The following SLC1A6 variants were observed in gnomAD, a reference collection of about 807,000 sequenced individuals.
SLC1A6 encodes the protein excitatory amino acid transporter 4.
Under a neutral mutation model 42.1 loss-of-function variants are expected in SLC1A6, and 15 were observed. The observed-to-expected ratio is 0.36, with a 90% CI of 0.24 to 0.55. The LOEUF (loss-of-function observed/expected upper bound fraction) is 0.55, where lower values mean the gene tolerates loss of function less well. SLC1A6 is among the 20% of genes least tolerant of loss of function. The probability of loss-of-function intolerance (pLI) is 0.88; values close to 1 mark genes in which losing one functional copy is unlikely to be tolerated. For synonymous variants in SLC1A6, 317 were observed against 319.7 expected, an observed-to-expected ratio of 0.99 and a Z score of 0.09; for missense variants, 542 against 772.5, an observed-to-expected ratio of 0.70 and a Z score of 3.54.
At position 14,956,469 on chromosome 19, in the gene SLC1A6, GC is replaced by G; in HGVS notation, c.1169+6del. The G allele has an allele frequency of 1.9e-6, 3 of 1,549,916 alleles. No homozygotes were observed. The highest frequency in any genetic ancestry group is 2.6e-6 in the Non-Finnish European group (3 of 1,140,644). ...GAATGGTGCTGGGGTGGGGAGCAAG[GC>G]CATACCTGGAAGACGTGCCCATAGC... On this transcript the variant is annotated splice_donor_region_variant and intron_variant, in intron 7 of 9. Transcript: ENST00000594383.
At chr19:14,957,541 C>G (rs1419905780) in intron 6 of SLC1A6, among the ~76,000 whole-genome samples, 3 of 152,232 alleles carry the variant, frequency 2.0e-5, no homozygotes, top group Admixed American at 2.0e-4. Context: ...AACCAGAAGA[C>G]AGCCCTCACC....
chr19:15,008,711 C>T (rs989787396), intron 1 of SLC1A6, among the ~76,000 whole-genome samples: 2 of 152,128 alleles, frequency 1.3e-5, no homozygotes, highest in East Asian at 1.9e-4. Context: ...AAGCTGGGTG[C>T]GGTGATTTCC....
At chr19:15,000,260 T>C (rs1302671061) in intron 1 of SLC1A6, among the ~76,000 whole-genome samples, 4 of 152,214 alleles carry the variant, frequency 2.6e-5, no homozygotes, top group Non-Finnish European at 5.9e-5. Flanking sequence ...GAGGAAAATC[T>C]CTATGCAATA....
At chr19:15,009,306 CAT>C (rs1218047663) in intron 1 of SLC1A6, among the ~76,000 whole-genome samples, 2 of 99,084 alleles carry the variant, frequency 2.0e-5, no homozygotes, top group Non-Finnish European at 3.9e-5. Flanking sequence ...CTCTAGATAA[CAT>C]ATATATCACA....
At chr19:14,975,876 G>GAAAGGGACA (rs1568294688) in intron 1 of SLC1A6, among the ~76,000 whole-genome samples, 4 of 51,024 alleles carry the variant, frequency 7.8e-5, no homozygotes, top group African/African-American at 4.1e-4. Flanking sequence ...GAAGGAAAGG[G>GAAAGGGACA]AAGGGAAGGG....
intron 1 of SLC1A6, among the ~76,000 whole-genome samples, chr19:15,000,003 C>G (rs548691175): frequency 3.5e-5 from 5 of 144,754 alleles, no homozygotes; most frequent in South Asian, 4.5e-4. Context: ...CCCTCCCCCC[C>G]ACCCCACAAC....
Position 14,962,313 on chromosome 19 carries a change from G to A in SLC1A6, c.624C>T (p.Thr208=). The A allele has an allele frequency of 6.2e-7, 1 of 1,614,086 alleles. No homozygotes were observed. The highest frequency in any genetic ancestry group is 1.1e-5 in the South Asian group (1 of 91,070). ...CGTTCTCTGTCCTCACCATGGTCCT[G>A]GTTACCACCCTCGTGCTGTACTGCG... ...FKTQYSTRVV[T]RTMVRTENGS... The change falls in exon 6 of 10, where the codon ACC becomes ACT. Residue 208 remains threonine (T), a synonymous_variant. Transcript: ENST00000594383.
chr19:14,975,668 C>A (rs2045696538), intron 1 of SLC1A6, among the ~76,000 whole-genome samples: 1 of 150,496 alleles, frequency 6.6e-6, no homozygotes, highest in Non-Finnish European at 1.5e-5. Context: ...AGGAGAATCG[C>A]TTTGAACCCA....
chr19:14,967,538 T>G (rs968026728), intron 4 of SLC1A6, among the ~76,000 whole-genome samples: 1 of 152,136 alleles, frequency 6.6e-6, no homozygotes, highest in Non-Finnish European at 1.5e-5. Flanking sequence ...TTAATGTTAT[T>G]AATGCATTAA....
intron 2 of SLC1A6, among the ~76,000 whole-genome samples, chr19:14,972,428 T>A (rs1248456564): frequency 1.8e-5 from 2 of 108,876 alleles, no homozygotes; most frequent in African/African-American, 6.5e-5. Context: ...TGTGTGTGCA[T>A]AGTAAAGTGT....
intron 1 of SLC1A6, among the ~76,000 whole-genome samples, chr19:15,009,918 G>A (rs948409894): frequency 6.6e-6 from 1 of 152,050 alleles, no homozygotes; most frequent in Non-Finnish European, 1.5e-5. Context: ...GGTGGCTCAC[G>A]CCTGTAATGC....
chr19:15,001,786 A>G (rs1229867168), intron 1 of SLC1A6, among the ~76,000 whole-genome samples: 1 of 151,976 alleles, frequency 6.6e-6, no homozygotes, highest in Non-Finnish European at 1.5e-5. Context: ...TTCAGCCTCC[A>G]GAGTAGCTGG....
chr19:15,005,292 C>T (rs562177424), intron 1 of SLC1A6, among the ~76,000 whole-genome samples: 102 of 148,662 alleles, frequency 6.9e-4, no homozygotes, highest in Admixed American at 9.4e-4. Context: ...GGCACGGTGG[C>T]GGTCAGGAGT....
chr19:14,999,018 C>G (rs10404043), intron 1 of SLC1A6, among the ~76,000 whole-genome samples: 9,039 of 152,026 alleles, frequency 0.059, 435 homozygotes, highest in South Asian at 0.27. Flanking sequence ...GCTGGGACTA[C>G]AGGTGCCCGC....
intron 2 of SLC1A6, among the ~76,000 whole-genome samples, chr19:14,972,400 G>C (rs2045650722): frequency 6.6e-6 from 1 of 152,116 alleles, no homozygotes; most frequent in African/African-American, 2.4e-5. Flanking sequence ...GCACCTATAA[G>C]TTCAATGCAC....
intron 1 of SLC1A6, among the ~76,000 whole-genome samples, chr19:14,987,957 C>A (rs2045801073): frequency 6.6e-6 from 1 of 152,140 alleles, no homozygotes; most frequent in African/African-American, 2.4e-5. Context: ...TTCCTGGGCT[C>A]AAGCAATCCT....
intron 6 of SLC1A6, among the ~76,000 whole-genome samples, chr19:14,958,209 G>A (rs907246599): frequency 1.3e-5 from 2 of 151,910 alleles, no homozygotes; most frequent in South Asian, 2.1e-4. Flanking sequence ...TCAGGAGTTC[G>A]AGACCAGCCT....
chr19:14,961,691 GA>G (rs554534352), intron 6 of SLC1A6: 10 of 308,662 alleles, frequency 3.2e-5, no homozygotes, highest in African/African-American at 1.7e-4. Context: ...ATAGAAGAAT[GA>G]GTGAATGAAC....
chr19:14,977,712 T>C (rs1042300892), intron 1 of SLC1A6: 1 of 152,214 alleles, frequency 6.6e-6, no homozygotes, highest in African/African-American at 2.4e-5. Flanking sequence ...ACCCAGGAGT[T>C]TGAGGCTGCA....
Sources: allele counts gnomAD v4.1 joint callset (sites outside exome capture counted in the v4.1 genomes callset), GRCh38; gene constraint gnomAD v4.1.1; transcripts MANE v1.5; gene names NCBI Gene and HGNC (gene_info 2026-07-23, HGNC 2026-07-21).